The following ZBTB8A variants were observed in gnomAD, a reference collection of about 807,000 sequenced individuals.
ZBTB8A encodes zinc finger and BTB domain-containing protein 8A.
A neutral mutation model predicts 37.8 loss-of-function variants in ZBTB8A; 19 were observed. The observed-to-expected ratio is 0.50, with a 90% CI of 0.35 to 0.74. The LOEUF is 0.74. Among genes scored for constraint, ZBTB8A ranks in the 30% least tolerant of loss-of-function variants. The probability of loss-of-function intolerance (pLI) is 0.01; values close to 1 mark genes in which losing one functional copy is unlikely to be tolerated. For synonymous variants in ZBTB8A, 181 were observed against 185.2 expected (o/e 0.98, Z 0.19); for missense variants, 394 against 537.8 (o/e 0.73, Z 2.65).
chr1:32,539,787 C>T (rs1225264477), intron 1 of ZBTB8A, among the ~76,000 whole-genome samples: 2 of 946 alleles, frequency 2.1e-3, no homozygotes, highest in Non-Finnish European at 5.1e-3. Context: ...TCGCCGCCCG[C>T]GCCCGCCTCG....
chr1:32,557,680 G>T (rs1455212146), intron 2 of ZBTB8A, among the ~76,000 whole-genome samples: 1 of 152,042 alleles, frequency 6.6e-6, no homozygotes, highest in Non-Finnish European at 1.5e-5. Flanking sequence ...GCCCAGGCTA[G>T]TCTCAAACTC....
intron 2 of ZBTB8A, among the ~76,000 whole-genome samples, chr1:32,559,920 A>C (rs1317547444): frequency 6.6e-6 from 1 of 152,208 alleles, no homozygotes; most frequent in Non-Finnish European, 1.5e-5. Context: ...CCGTTCTTGC[A>C]TTGCTATAAA....
intron 2 of ZBTB8A, among the ~76,000 whole-genome samples, chr1:32,592,663 C>T (rs1212603299): frequency 6.6e-5 from 10 of 151,956 alleles, no homozygotes; most frequent in East Asian, 1.9e-4. Context: ...CCCGCCACCA[C>T]GCCCAGCTAA....
intron 2 of ZBTB8A, among the ~76,000 whole-genome samples, chr1:32,566,477 A>T (rs994557296): frequency 6.6e-6 from 1 of 152,060 alleles, no homozygotes; most frequent in Non-Finnish European, 1.5e-5. Context: ...ATGAGCCGTG[A>T]TAGTGCCACT....
intron 2 of ZBTB8A, among the ~76,000 whole-genome samples, chr1:32,559,967 G>A (rs1260517489): frequency 1.3e-5 from 2 of 152,112 alleles, no homozygotes; most frequent in Admixed American, 6.6e-5. Flanking sequence ...AAAGAATAGA[G>A]GTTTAATTGG....
chr1:32,593,788 G>A (rs369917148), intron 3 of ZBTB8A, 34 bp downstream of exon 3: 2 of 1,526,256 alleles, frequency 1.3e-6, no homozygotes, highest in African/African-American at 2.8e-5. Flanking sequence ...CCTCATCCAG[G>A]TTCCAAACTG....
At chr1:32,566,343 A>G (rs1331346043) in intron 2 of ZBTB8A, among the ~76,000 whole-genome samples, 9 of 152,048 alleles carry the variant, frequency 5.9e-5, no homozygotes, top group Non-Finnish European at 1.3e-4. Flanking sequence ...GTGAGACCCT[A>G]TATCTACAAT....
chr1:32,575,001 C>T (rs1644349354), intron 2 of ZBTB8A, among the ~76,000 whole-genome samples: 1 of 152,100 alleles, frequency 6.6e-6, no homozygotes, highest in African/African-American at 2.4e-5. Flanking sequence ...TCTTGAACTG[C>T]TGCCCCCAAG....
chr1:32,587,931 A>T (rs944191392), intron 2 of ZBTB8A, among the ~76,000 whole-genome samples: 1 of 152,114 alleles, frequency 6.6e-6, no homozygotes, highest in East Asian at 1.9e-4. Context: ...AGTTATGCCT[A>T]CATAATGAAG....
At position 32,548,001 on chromosome 1, in the gene ZBTB8A, C is replaced by G. The variant is rs192144153; in HGVS notation, c.-83-5458C>G. 5.1e-3 allele frequency among the ~76,000 whole-genome samples: 773 copies of G among 151,282 alleles called. 7 individuals carry two copies. The highest frequency in any genetic ancestry group is 0.017 in the African/African-American group (692 of 41,258). On this transcript the variant is annotated intron_variant, in intron 1 of 4. Transcript: ENST00000373510. ...TGCAAGAATTAGCTGGGCATGGTGGCCGGCACCTGTAATCCCAGCTACTTA... is the reference window on the plus strand; with the variant it reads ...TGCAAGAATTAGCTGGGCATGGTGGGCGGCACCTGTAATCCCAGCTACTTA...
At chr1:32,596,013 A>G (rs1394809493) in intron 4 of ZBTB8A, among the ~76,000 whole-genome samples, 3 of 151,916 alleles carry the variant, frequency 2.0e-5, no homozygotes, top group Non-Finnish European at 4.4e-5. Context: ...TGGCTCACAC[A>G]CGTAATCCCA....
intron 2 of ZBTB8A, among the ~76,000 whole-genome samples, chr1:32,559,499 T>C (rs546132809): frequency 1.7e-3 from 257 of 152,172 alleles, no homozygotes; most frequent in African/African-American, 6.0e-3. Context: ...AGTCTTACTG[T>C]GTCACCCAGG....
At chr1:32,599,390 C>T (rs114653900) in intron 4 of ZBTB8A, among the ~76,000 whole-genome samples, 14 of 151,864 alleles carry the variant, frequency 9.2e-5, no homozygotes, top group African/African-American at 2.7e-4. Flanking sequence ...ACCACTACAC[C>T]GTAGCCTGGG....
intron 2 of ZBTB8A, among the ~76,000 whole-genome samples, chr1:32,554,771 A>C (rs1011220097): frequency 6.6e-6 from 1 of 151,858 alleles, no homozygotes; most frequent in Non-Finnish European, 1.5e-5. Flanking sequence ...GAGCCACCGC[A>C]CCCGGCTTTA....
chr1:32,552,442 C>G (rs996992703), intron 1 of ZBTB8A, among the ~76,000 whole-genome samples: 6 of 152,056 alleles, frequency 3.9e-5, no homozygotes, highest in African/African-American at 1.4e-4. Context: ...GGAAGATTGC[C>G]TGAGGTCGGT....
At chr1:32,546,809 G>C (rs549396273) in intron 1 of ZBTB8A, among the ~76,000 whole-genome samples, 1 of 152,224 alleles carries the variant, frequency 6.6e-6, no homozygotes, top group Non-Finnish European at 1.5e-5. Flanking sequence ...CATAGCGGAT[G>C]CCTTATATCA....
chr1:32,575,415 T>G (rs942818898), intron 2 of ZBTB8A, among the ~76,000 whole-genome samples: 1 of 151,256 alleles, frequency 6.6e-6, no homozygotes, highest in Non-Finnish European at 1.5e-5. Context: ...TTAGTAGAGA[T>G]GGGGTTTCAC....
At chr1:32,543,758 G>A (rs553490440) in intron 1 of ZBTB8A, among the ~76,000 whole-genome samples, 2 of 152,004 alleles carry the variant, frequency 1.3e-5, no homozygotes, top group South Asian at 4.2e-4. Context: ...CTCACTGCAA[G>A]CTCCGCCTCC....
At chr1:32,566,460 G>C (rs1017428424) in intron 2 of ZBTB8A, among the ~76,000 whole-genome samples, 1 of 151,916 alleles carries the variant, frequency 6.6e-6, no homozygotes, top group African/African-American at 2.4e-5. Context: ...GGGAAGTCAA[G>C]ACTGCAATGA....
Sources: allele counts gnomAD v4.1 joint callset (sites outside exome capture counted in the v4.1 genomes callset), GRCh38; gene constraint gnomAD v4.1.1; transcripts MANE v1.5; gene names NCBI Gene and HGNC (gene_info 2026-07-23, HGNC 2026-07-21).